Variants in NWD2 observed in about 807,000 individuals in gnomAD.
The protein encoded by NWD2 is NACHT and WD repeat domain containing 2.
A neutral mutation model predicts 132.7 loss-of-function variants in NWD2; 37 were observed. The ratio of observed to expected loss-of-function variants is 0.28; its 90% CI spans 0.21 to 0.37. The LOEUF is 0.37. Ranked by LOEUF, NWD2 falls within the 10% of genes least tolerant of loss-of-function variation. The pLI is 1.00. For synonymous variants in NWD2, 705 were observed against 803.0 expected (o/e 0.88, Z 2.06); for missense variants, 1,592 against 2,122.4 (o/e 0.75, Z 4.91).
At chr4:37,357,880 A>G (rs1719902330) in intron 3 of NWD2, among the ~76,000 whole-genome samples, 1 of 152,120 alleles carries the variant, frequency 6.6e-6, no homozygotes. Flanking sequence ...GGAGATGGAA[A>G]GAGGGGCAGG....
At chr4:37,284,996 A>G (rs935630652) in intron 1 of NWD2, among the ~76,000 whole-genome samples, 2 of 152,090 alleles carry the variant, frequency 1.3e-5, no homozygotes, top group Non-Finnish European at 2.9e-5. Context: ...TCACAACTAG[A>G]TATTTACTTC....
chr4:37,346,541 C>T (rs1478914655), intron 2 of NWD2, among the ~76,000 whole-genome samples: 1 of 152,090 alleles, frequency 6.6e-6, no homozygotes, highest in Non-Finnish European at 1.5e-5. Context: ...TTGTCAATTT[C>T]TGCAAATAAA....
At chr4:37,341,729 C>T (rs780672544) in intron 2 of NWD2, among the ~76,000 whole-genome samples, 17 of 152,156 alleles carry the variant, frequency 1.1e-4, no homozygotes, top group Admixed American at 4.6e-4. Flanking sequence ...TTAACTTCTC[C>T]GTTCCTCAGA....
At chr4:37,393,679 A>G (rs1037423846) in intron 3 of NWD2, among the ~76,000 whole-genome samples, 2 of 152,146 alleles carry the variant, frequency 1.3e-5, no homozygotes, top group African/African-American at 4.8e-5. Flanking sequence ...TGTTGGCTTG[A>G]ATTTGGGGTT....
At chr4:37,267,373 G>T (rs924348183) in intron 1 of NWD2, among the ~76,000 whole-genome samples, 1 of 151,976 alleles carries the variant, frequency 6.6e-6, no homozygotes, top group Non-Finnish European at 1.5e-5. Flanking sequence ...GTAGCAAGAT[G>T]AGAGAAGAGA....
At chr4:37,276,094 C>A (rs1465916906) in intron 1 of NWD2, among the ~76,000 whole-genome samples, 1 of 152,026 alleles carries the variant, frequency 6.6e-6, no homozygotes, top group Non-Finnish European at 1.5e-5. Context: ...CCAACATTGA[C>A]AAATGGGATC....
chr4:37,294,130 C>T (rs1347325526), intron 1 of NWD2, among the ~76,000 whole-genome samples: 1 of 152,106 alleles, frequency 6.6e-6, no homozygotes, highest in Non-Finnish European at 1.5e-5. Context: ...GAGGGAACCA[C>T]AGAGTTGATG....
intron 3 of NWD2, among the ~76,000 whole-genome samples, chr4:37,373,559 A>G (rs1295458276): frequency 1.3e-5 from 2 of 152,236 alleles, no homozygotes; most frequent in Non-Finnish European, 2.9e-5. Context: ...CCTTAATAGC[A>G]CTGCATTATG....
chr4:37,311,156 G>A (rs935940830), intron 1 of NWD2, among the ~76,000 whole-genome samples: 3 of 152,076 alleles, frequency 2.0e-5, no homozygotes, highest in African/African-American at 7.2e-5. Context: ...CCCAGTAATG[G>A]GATGGCTGGG....
At chr4:37,297,646 C>T (rs1015476101) in intron 1 of NWD2, among the ~76,000 whole-genome samples, 2 of 152,160 alleles carry the variant, frequency 1.3e-5, no homozygotes, top group African/African-American at 4.8e-5. Flanking sequence ...GTTCCTCTAG[C>T]CATTGTAAAT....
intron 3 of NWD2, among the ~76,000 whole-genome samples, chr4:37,375,593 G>T (rs1034325331): frequency 6.7e-6 from 1 of 149,368 alleles, no homozygotes; most frequent in African/African-American, 2.5e-5. Context: ...TTCCGAGACG[G>T]AGTCTGGCTC....
intron 1 of NWD2, among the ~76,000 whole-genome samples, chr4:37,318,521 A>G (rs2109284534): frequency 6.6e-6 from 1 of 152,258 alleles, no homozygotes; most frequent in Admixed American, 6.5e-5. Context: ...GGTTTGTGGT[A>G]CTATTTATGC....
At chr4:37,372,162 A>T (rs1029702225) in intron 3 of NWD2, among the ~76,000 whole-genome samples, 7 of 152,204 alleles carry the variant, frequency 4.6e-5, no homozygotes, top group Admixed American at 1.3e-4. Flanking sequence ...CCTCAACACT[A>T]TATTAAAACT....
intron 2 of NWD2, among the ~76,000 whole-genome samples, chr4:37,351,776 C>T (rs574322041): frequency 4.6e-5 from 7 of 152,126 alleles, no homozygotes; most frequent in East Asian, 1.9e-4. Flanking sequence ...GTTAGGGTGT[C>T]GATTTTAGAT....
At chr4:37,349,992 T>C (rs1719727684) in intron 2 of NWD2, among the ~76,000 whole-genome samples, 1 of 152,200 alleles carries the variant, frequency 6.6e-6, no homozygotes, top group Admixed American at 6.5e-5. Flanking sequence ...GATCAGATGA[T>C]TGTAGATATG....
rs1000354262 is a variant in NWD2, at chr4:37,356,613, A to C, written c.357+131A>C. 12 of 616,940 alleles carry C rather than the reference A, an allele frequency of 1.9e-5. No individual in the cohort carries two copies. The Admixed American group carries it at 3.3e-4, about 17-fold the overall frequency. The allele number at this position is 616,940 out of a possible 1,614,324, so 38.2% of individuals were successfully genotyped here. A position where few individuals can be genotyped will look rare whatever the true frequency, so the allele number is the denominator to read the frequency against. On this transcript the variant is annotated intron_variant, in intron 3 of 6. Coordinates refer to ENST00000309447, the MANE Select transcript of NWD2 (RefSeq NM_001144990.2). ...TTTTTTATGTCTATTTAAACATTTT[A>C]AGCTGTCTCCTGGCTCTCAATGTAT... is the stretch of plus-strand genomic sequence containing the variant.
At chr4:37,406,235 GA>G (rs1437280816) in intron 3 of NWD2, among the ~76,000 whole-genome samples, 1 of 152,184 alleles carries the variant, frequency 6.6e-6, no homozygotes, top group Non-Finnish European at 1.5e-5. Context: ...CCAAAGGAAA[GA>G]ATGGATCTAG....
chr4:37,369,763 C>G (rs1720178453), intron 3 of NWD2, among the ~76,000 whole-genome samples: 1 of 152,178 alleles, frequency 6.6e-6, no homozygotes, highest in Admixed American at 6.5e-5. Flanking sequence ...TCCCAACTTG[C>G]AAATGCGCAC....
At chr4:37,256,636 G>A (rs1264410219) in intron 1 of NWD2, among the ~76,000 whole-genome samples, 1 of 152,140 alleles carries the variant, frequency 6.6e-6, no homozygotes. Flanking sequence ...TACCGACACT[G>A]AAAAGGAGAC....
Sources: gnomAD v4.1 joint callset for allele counts (sites outside exome capture counted in the v4.1 genomes callset) on GRCh38, gnomAD v4.1.1 for gene constraint, MANE v1.5 for transcripts, NCBI Gene and HGNC (gene_info 2026-07-23, HGNC 2026-07-21) for gene names.